Variants in DNAH7 observed in about 807,000 individuals in gnomAD.
DNAH7 encodes dynein axonemal heavy chain 7.
DNAH7 carries 397 observed loss-of-function variants against 444.6 expected under a neutral mutation model. The observed-to-expected ratio is 0.89, with a 90% confidence interval of 0.82 to 0.97. The LOEUF (loss-of-function observed/expected upper bound fraction) is 0.97. DNAH7 is among the 50% of genes least tolerant of loss of function. The pLI, the probability that DNAH7 is intolerant of heterozygous loss-of-function variation, is 0.00. For synonymous variants in DNAH7, 1,636 were observed against 1,624.4 expected, an observed-to-expected ratio of 1.01 and a Z score of -0.17; for missense variants, 4,902 against 4,800.8, an observed-to-expected ratio of 1.02 and a Z score of -0.62.
chr2:196,036,842 A>G (rs1237784338), intron 5 of DNAH7, among the ~76,000 whole-genome samples: 5 of 152,142 alleles, frequency 3.3e-5, no homozygotes, highest in African/African-American at 1.2e-4. Context: ...TGCTCTGCCT[A>G]GAGACCTAAG....
intron 54 of DNAH7, among the ~76,000 whole-genome samples, chr2:195,806,250 A>G (rs28667582): frequency 0.012 from 1,853 of 152,278 alleles, 37 homozygotes; most frequent in African/African-American, 0.042. Flanking sequence ...TGGTTATATA[A>G]TTTATTATTT....
intron 52 of DNAH7, among the ~76,000 whole-genome samples, chr2:195,809,279 ACAACT>A (rs1314755172): frequency 6.6e-5 from 10 of 152,222 alleles, no homozygotes. Context: ...TTACTGATAC[ACAACT>A]TTTGCAAGAA....
chr2:195,791,515 TAAAAC>T (rs541373705), intron 57 of DNAH7, among the ~76,000 whole-genome samples: 72 of 152,212 alleles, frequency 4.7e-4, no homozygotes, highest in African/African-American at 1.6e-3. Context: ...TTAAATAACT[TAAAAC>T]AGAACAACCA....
At chr2:196,024,537 C>G in intron 7 of DNAH7, 33 bp from the exon 8 acceptor site, 1 of 1,318,492 alleles carries the variant, frequency 7.6e-7, no homozygotes, top group Non-Finnish European at 1.0e-6. Flanking sequence ...TGATAAATAA[C>G]CTTATATTAA....
At chr2:195,897,627 T>C (rs1321384677) in intron 29 of DNAH7, 40 bp downstream of exon 29, 1 of 1,161,216 alleles carries the variant, frequency 8.6e-7, no homozygotes, top group East Asian at 2.4e-5. Flanking sequence ...AATACATTAT[T>C]ATAAGAGTTT....
At chr2:195,787,487 T>C (rs148037338) in intron 57 of DNAH7, among the ~76,000 whole-genome samples, 1 of 152,120 alleles carries the variant, frequency 6.6e-6, no homozygotes, top group Non-Finnish European at 1.5e-5. Context: ...TAAGGCAACA[T>C]GTAACAATTC....
intron 49 of DNAH7, among the ~76,000 whole-genome samples, chr2:195,822,492 GAAAGCAAAAGGT>G (rs1697519491): frequency 6.6e-6 from 1 of 152,186 alleles, no homozygotes; most frequent in Non-Finnish European, 1.5e-5. Flanking sequence ...GGGTGCTTTT[GAAAGCAAAAGGT>G]ACATAAAAGA....
At chr2:195,936,572 C>T (rs770956854) in intron 20 of DNAH7, 27 bp downstream of exon 20, 4 of 1,514,980 alleles carry the variant, frequency 2.6e-6, no homozygotes, top group African/African-American at 1.4e-5. Context: ...TAAATTTAGT[C>T]ATGTATTCTA....
intron 15 of DNAH7, among the ~76,000 whole-genome samples, chr2:195,981,463 A>C (rs905159631): frequency 6.6e-6 from 1 of 151,408 alleles, no homozygotes; most frequent in Admixed American, 6.6e-5. Flanking sequence ...GAAAAAAAAA[A>C]CTTAAAATTT....
Position 195,891,742 on chromosome 2 carries a change from G to A in DNAH7, c.4959C>T (p.Gly1653=), listed in dbSNP as rs1233616371. 6.2e-7 allele frequency: 1 copy of A among 1,608,968 alleles called. No homozygotes were observed. The highest frequency in any genetic ancestry group is 1.7e-5 in the Admixed American group (1 of 59,382). Residue 1653 remains glycine, a synonymous_variant, in exon 31 of 65, where the codon GGC becomes GGT. Coordinates refer to ENST00000312428, the MANE Select transcript of DNAH7 (RefSeq NM_018897.3). ...CTGAATCAAACTGTCCGTACAGTTG[G>A]CCCATGGTGACAGACTTAGGATTTA... The part of the protein sequence containing the change: ...TVLNPKSVTM[G]QLYGQFDSVS...
rs756949033 is a variant in DNAH7 at position 195,845,156 on chromosome 2, T to A, written c.8791A>T (p.Lys2931Ter). The A allele has an allele frequency of 1.2e-6, 2 of 1,608,418 alleles. No individual in the cohort carries two copies. The highest frequency in any genetic ancestry group is 1.7e-6 in the Non-Finnish European group (2 of 1,178,066). The change falls in exon 47 of 65, where the codon AAA becomes TAA. Residue 2931 changes from lysine to a stop codon, truncating the protein, a stop_gained. Transcript: ENST00000312428. LOFTEE classifies it high-confidence loss of function. ...CCTTTGCACAAAGTTGTCCACTCTT[T>A]AGTTTGATTCTTTAGAACATCCACA... The part of the protein sequence containing the change: ...FTSTYRQNQT[K>*]EWTTLCKGRD...
In DNAH7 at chr2:195,737,862, A is replaced by G. The variant is rs1692727972; in HGVS notation, c.*59T>C. ...AAAAAAAAGGTTTAAGTAGTAAAAT[A>G]TGCTTTCTCTACTCAGCCAGCCAAC... On this transcript the variant is annotated 3_prime_UTR_variant, in exon 65 of 65. Transcript: ENST00000312428. The G allele has an allele frequency of 1.3e-6, 2 of 1,541,632 alleles. No homozygotes were observed. The highest frequency in any genetic ancestry group is 1.7e-4 in the Middle Eastern group (1 of 5,812).
chr2:195,806,147 G>A (rs912062307), intron 54 of DNAH7, among the ~76,000 whole-genome samples: 12 of 151,144 alleles, frequency 7.9e-5, no homozygotes, highest in East Asian at 1.9e-4. Context: ...TTGTGGTATC[G>A]GTCAATATTC....
intron 58 of DNAH7, among the ~76,000 whole-genome samples, chr2:195,784,218 G>A (rs1376567344): frequency 6.6e-6 from 1 of 152,026 alleles, no homozygotes; most frequent in Admixed American, 6.5e-5. Flanking sequence ...GAATATTTTT[G>A]CTGCCCTAAA....
At position 196,000,700 on chromosome 2, in the gene DNAH7, T is replaced by C; in HGVS notation, c.1353+4A>G. On this transcript the variant is annotated splice_donor_region_variant and intron_variant, in intron 12 of 64. Coordinates refer to ENST00000312428, the MANE Select transcript of DNAH7 (RefSeq NM_018897.3). ...CAAGCAATCTTAATATCCTTGTTAC[T>C]TACCCACTTGGAATACAATTTTGTC... 6.5e-7 allele frequency: 1 copy of C among 1,544,370 alleles called. No homozygotes were observed. The highest frequency in any genetic ancestry group is 1.3e-5 in the South Asian group (1 of 78,254).
At position 196,005,033 on chromosome 2, in the gene DNAH7, G is replaced by C. The variant is rs540361630; in HGVS notation, c.990-3175C>G. Among the ~76,000 whole-genome samples the C allele has an allele frequency of 7.3e-5, 11 of 150,522 alleles. No individual in the cohort carries two copies. In the East Asian group the frequency reaches 2.1e-3, roughly 29 times the overall value. On this transcript the variant is annotated intron_variant, in intron 10 of 64. Transcript: ENST00000312428. ...CGCCTGTAATCCCAGCACTTTGGGAGGCCAAGGCAGGCAGATCACAAGGTC... is the reference window on the plus strand; with the variant it reads ...CGCCTGTAATCCCAGCACTTTGGGACGCCAAGGCAGGCAGATCACAAGGTC...
At chr2:195,922,044 G>A (rs778258098) in intron 24 of DNAH7, 44 bp downstream of exon 24, 12 of 1,087,862 alleles carry the variant, frequency 1.1e-5, no homozygotes, top group Admixed American at 1.7e-5. Context: ...GTACAGGGGT[G>A]AGTGAAAGTT....
At chr2:196,030,106 A>T (rs1299027054) in intron 5 of DNAH7, among the ~76,000 whole-genome samples, 2 of 152,230 alleles carry the variant, frequency 1.3e-5, no homozygotes, top group African/African-American at 2.4e-5. Flanking sequence ...TGGGCAATTT[A>T]AAAAAGAAAG....
intron 2 of DNAH7, among the ~76,000 whole-genome samples, chr2:196,052,432 A>G (rs769829133): frequency 6.6e-6 from 1 of 152,264 alleles, no homozygotes; most frequent in Non-Finnish European, 1.5e-5. Context: ...TATGTACTAG[A>G]TGTTGAAGAC....
Sources: allele counts gnomAD v4.1 joint callset (sites outside exome capture counted in the v4.1 genomes callset), GRCh38; gene constraint gnomAD v4.1.1; transcripts MANE v1.5; gene names NCBI Gene and HGNC (gene_info 2026-07-23, HGNC 2026-07-21).